DOCK5: variants seen among roughly 807,000 people sequenced by gnomAD.
DOCK5 encodes dedicator of cytokinesis protein 5.
DOCK5 carries 142 observed loss-of-function variants against 251.8 expected under a neutral mutation model. The ratio of observed to expected loss-of-function variants is 0.56; its 90% CI spans 0.49 to 0.65. DOCK5 has a LOEUF of 0.65. DOCK5 is among the 30% of genes least tolerant of loss of function. The probability of loss-of-function intolerance (pLI) is 0.00; values close to 1 mark genes in which losing one functional copy is unlikely to be tolerated. For missense variants in DOCK5, 2,111 were observed against 2,312.3 expected (o/e 0.91, Z 1.79); for synonymous variants, 842 against 835.5 (o/e 1.01, Z -0.13).
At chr8:25,383,034 T>C (rs1801098760) in intron 40 of DOCK5, among the ~76,000 whole-genome samples, 1 of 152,218 alleles carries the variant, frequency 6.6e-6, no homozygotes, top group Admixed American at 6.5e-5. Context: ...TCCCCCGCAC[T>C]GGTCAGCTGC....
chr8:25,341,691 A>G, intron 23 of DOCK5, 48 bp from the exon 24 acceptor site: 1 of 1,484,572 alleles, frequency 6.7e-7, no homozygotes, highest in Non-Finnish European at 9.2e-7. Flanking sequence ...TAAATACTGT[A>G]TTTGTCTTGC....
At chr8:25,395,479 C>A (rs1415890066) in intron 44 of DOCK5, 64 bp from the exon 45 acceptor site, 8 of 1,543,668 alleles carry the variant, frequency 5.2e-6, no homozygotes, top group Non-Finnish European at 5.2e-6. Context: ...AAGAGTTAAA[C>A]TTTTTTCAGT....
chr8:25,409,690 C>G (rs1563235279), intron 50 of DOCK5: 2 of 155,518 alleles, frequency 1.3e-5, no homozygotes, highest in African/African-American at 4.8e-5. Context: ...CTAAAAAATA[C>G]AAAAAATTAG....
intron 5 of DOCK5, among the ~76,000 whole-genome samples, chr8:25,289,793 G>A (rs984682462): frequency 2.0e-5 from 3 of 152,028 alleles, no homozygotes; most frequent in African/African-American, 7.2e-5. Context: ...CGTGAGCTGA[G>A]ATCACGCCAT....
chr8:25,368,025 C>T lies in DOCK5; in HGVS notation c.3225-167C>T, dbSNP rs80102060. 2.7e-4 allele frequency among the ~76,000 whole-genome samples: 41 copies of T among 152,252 alleles called. No individual in the cohort carries two copies. In the East Asian group the frequency reaches 5.6e-3, roughly 21 times the overall value. On this transcript the variant is annotated intron_variant, in intron 31 of 51. Transcript: ENST00000276440. Reference sequence around the variant, plus strand: ...GGCACAAGGTCCCCCGGCCTCTGTGCGCCTCATTCCTTTTGGGGGCTCGTT... The same window carrying T: ...GGCACAAGGTCCCCCGGCCTCTGTGTGCCTCATTCCTTTTGGGGGCTCGTT...
In DOCK5 at chr8:25,307,389, G is replaced by A. The variant is rs1804972730; in HGVS notation, c.1050-1394G>A. Reference sequence around the variant, plus strand: ...CTGCCTCGGCCTCCCAAAGTGCTGGGATTACAGGTGTGAGCCATCATGCCT... The same window carrying A: ...CTGCCTCGGCCTCCCAAAGTGCTGGAATTACAGGTGTGAGCCATCATGCCT... On this transcript the variant is annotated intron_variant, in intron 11 of 51. Coordinates refer to ENST00000276440, the MANE Select transcript of DOCK5 (RefSeq NM_024940.8). Among the ~76,000 whole-genome samples the A allele has an allele frequency of 3.3e-5, 5 of 152,228 alleles. No individual in the cohort carries two copies. The South Asian group carries it at 1.0e-3, about 32-fold the overall frequency.
At chr8:25,238,250 G>GAATA (rs552530834) in intron 1 of DOCK5, among the ~76,000 whole-genome samples, 15 of 152,320 alleles carry the variant, frequency 9.8e-5, no homozygotes, top group Non-Finnish European at 2.1e-4. Context: ...CAAATGTGAT[G>GAATA]AATAGACCAG....
At chr8:25,325,242 A>T in intron 17 of DOCK5, 122 bp from the exon 18 acceptor site, 1 of 974,854 alleles carries the variant, frequency 1.0e-6, no homozygotes. Context: ...GGTGGAAGGG[A>T]TCTTCAGGAT....
intron 1 of DOCK5, among the ~76,000 whole-genome samples, chr8:25,204,712 G>A (rs904480045): frequency 2.6e-5 from 4 of 152,096 alleles, no homozygotes; most frequent in Admixed American, 1.3e-4. Flanking sequence ...ACTTCTTGGC[G>A]GCTTTCATAT....
chr8:25,257,877 A>G (rs1190708191), intron 2 of DOCK5, among the ~76,000 whole-genome samples: 1 of 152,224 alleles, frequency 6.6e-6, no homozygotes, highest in African/African-American at 2.4e-5. Flanking sequence ...ACAAAACCAC[A>G]TGCTACCTCC....
intron 1 of DOCK5, among the ~76,000 whole-genome samples, chr8:25,207,409 T>C (rs1802026207): frequency 6.6e-6 from 1 of 152,228 alleles, no homozygotes; most frequent in Non-Finnish European, 1.5e-5. Context: ...AGTACTTTCA[T>C]AGCTAGAGAG....
intron 27 of DOCK5, among the ~76,000 whole-genome samples, chr8:25,354,011 G>C (rs1249199494): frequency 8.2e-6 from 1 of 121,720 alleles, no homozygotes; most frequent in Non-Finnish European, 1.6e-5. Flanking sequence ...CTGGGTGACA[G>C]AGTGAGACTT....
chr8:25,277,094 C>A, intron 4 of DOCK5: 2 of 153,916 alleles, frequency 1.3e-5, no homozygotes, highest in South Asian at 3.6e-4. Context: ...CAAACCCGCT[C>A]ATTCCAAAAT....
chr8:25,343,175 T>C (rs1800281290), intron 25 of DOCK5, among the ~76,000 whole-genome samples: 2 of 151,830 alleles, frequency 1.3e-5, no homozygotes, highest in African/African-American at 2.4e-5. Context: ...ATTTTTTTTT[T>C]TTTTTGTATT....
At chr8:25,246,741 TG>T (rs1803126792) in intron 2 of DOCK5, among the ~76,000 whole-genome samples, 3 of 143,040 alleles carry the variant, frequency 2.1e-5, no homozygotes, top group Admixed American at 2.0e-4. Context: ...TGTGTGTGTG[TG>T]TGTGTGTGTG....
chr8:25,284,135 T>A (rs1804273577), intron 5 of DOCK5, among the ~76,000 whole-genome samples: 1 of 152,222 alleles, frequency 6.6e-6, no homozygotes, highest in Non-Finnish European at 1.5e-5. Context: ...TACTAGCTGA[T>A]CCTGCTGCCT....
intron 18 of DOCK5, 64 bp from the exon 19 acceptor site, chr8:25,332,187 C>A: frequency 8.0e-7 from 1 of 1,244,302 alleles, no homozygotes; most frequent in Non-Finnish European, 1.2e-6. Context: ...AATTCTTTAG[C>A]TATGTCCTGA....
chr8:25,403,792 C>T, intron 48 of DOCK5, 68 bp downstream of exon 48: 18 of 1,524,308 alleles, frequency 1.2e-5, no homozygotes, highest in Admixed American at 1.9e-5. Context: ...CCTTTAGCCA[C>T]GCATCACTCC....
At chr8:25,361,408 G>A (rs940176386) in intron 28 of DOCK5, among the ~76,000 whole-genome samples, 1 of 151,990 alleles carries the variant, frequency 6.6e-6, no homozygotes, top group Non-Finnish European at 1.5e-5. Context: ...TCAGGAGTTC[G>A]AGACCAGCCT....
Sources: allele counts gnomAD v4.1 joint callset (sites outside exome capture counted in the v4.1 genomes callset), GRCh38; gene constraint gnomAD v4.1.1; transcripts MANE v1.5; gene names NCBI Gene and HGNC (gene_info 2026-07-23, HGNC 2026-07-21).